DLGAP2: variants seen among roughly 807,000 people sequenced by gnomAD.
DLGAP2 encodes the protein DLG associated protein 2.
Under a neutral mutation model 100.3 loss-of-function variants are expected in DLGAP2, and 26 were observed. The ratio of observed to expected loss-of-function variants is 0.26; its 90% CI spans 0.19 to 0.36. DLGAP2 has a LOEUF of 0.36. Ranked by LOEUF, DLGAP2 falls within the 10% of genes least tolerant of loss-of-function variation. The probability of loss-of-function intolerance (pLI) is 1.00; values close to 1 mark genes in which losing one functional copy is unlikely to be tolerated. For missense variants in DLGAP2, 1,858 were observed against 1,453.2 expected (o/e 1.28, Z -4.53); for synonymous variants, 886 against 630.1 (o/e 1.41, Z -6.08).
At position 1,637,412 on chromosome 8, in the gene DLGAP2, G is replaced by A. The variant is rs1277946706; in HGVS notation, c.1810+4366G>A. ...GGCTTTACAAATAGGCTCAGAAACTGTTGCGCGGGGCTCTCAGATGCATAG... is the reference window on the plus strand; with the variant it reads ...GGCTTTACAAATAGGCTCAGAAACTATTGCGCGGGGCTCTCAGATGCATAG... On this transcript the variant is annotated intron_variant, in intron 8 of 14. Coordinates refer to ENST00000637795, the MANE Select transcript of DLGAP2 (RefSeq NM_001346810.2). Among the ~76,000 whole-genome samples the A allele has an allele frequency of 2.0e-5, 3 of 151,930 alleles. No homozygotes were observed. The East Asian group carries it at 5.9e-4, about 30-fold the overall frequency.
chr8:760,377 A>G (rs1821050409), intron 1 of DLGAP2, among the ~76,000 whole-genome samples: 1 of 151,868 alleles, frequency 6.6e-6, no homozygotes, highest in African/African-American at 2.4e-5. Flanking sequence ...GGTTAGACCG[A>G]TTGTTTCTGA....
chr8:1,076,727 A>C (rs538709703), intron 2 of DLGAP2, among the ~76,000 whole-genome samples: 1 of 152,280 alleles, frequency 6.6e-6, no homozygotes, highest in East Asian at 1.9e-4. Context: ...CTGGGCTGCC[A>C]TAACACAGGG....
chr8:993,933 A>T (rs568864006), intron 2 of DLGAP2, among the ~76,000 whole-genome samples: 18 of 151,732 alleles, frequency 1.2e-4, no homozygotes, highest in African/African-American at 4.1e-4. Flanking sequence ...CCCGGCTGGT[A>T]ATTTTCCCTT....
chr8:1,389,067 G>C (rs149682921), intron 3 of DLGAP2, among the ~76,000 whole-genome samples: 2,274 of 151,546 alleles, frequency 0.015, 40 homozygotes, highest in African/African-American at 0.052. Flanking sequence ...AGCAGAGGCC[G>C]TGGATGAGGA....
At chr8:747,100 C>T (rs1410428049) in intron 1 of DLGAP2, among the ~76,000 whole-genome samples, 1 of 151,924 alleles carries the variant, frequency 6.6e-6, no homozygotes, top group African/African-American at 2.4e-5. Context: ...TCTCGGGGGG[C>T]TGGGGAGAGC....
chr8:1,257,903 G>C (rs1038929169), intron 2 of DLGAP2, among the ~76,000 whole-genome samples: 1 of 152,248 alleles, frequency 6.6e-6, no homozygotes, highest in African/African-American at 2.4e-5. Context: ...CTGCCCTCAT[G>C]TTCTCAGGAA....
chr8:1,141,803 T>G (rs1291921159), intron 2 of DLGAP2, among the ~76,000 whole-genome samples: 1 of 152,204 alleles, frequency 6.6e-6, no homozygotes, highest in Non-Finnish European at 1.5e-5. Context: ...GACTCAAGGC[T>G]GAATACTAAT....
At position 1,549,485 on chromosome 8, in the gene DLGAP2, G is replaced by A. The variant is rs1320735829; in HGVS notation, c.1032G>A (p.Lys344=). The change falls in exon 5 of 15, where the codon AAG becomes AAA. Residue 344 remains lysine (K), a synonymous_variant. Transcript: ENST00000637795. Reference sequence around the variant, plus strand: ...GGGACCTGTCCCTCAAGACCTCCAAGAGCAACAACGACGTCAAGTGCTCGG... The same window carrying A: ...GGGACCTGTCCCTCAAGACCTCCAAAAGCAACAACGACGTCAAGTGCTCGG... ...PFGDLSLKTS[K]SNNDVKCSAC... 1 of 1,613,444 alleles carries A rather than the reference G, an allele frequency of 6.2e-7. No homozygotes were observed. Among genetic ancestry groups the A allele is most frequent in the Non-Finnish European group, 8.5e-7 (1 of 1,179,850 alleles).
chr8:915,998 C>G (rs1034379443), intron 2 of DLGAP2, among the ~76,000 whole-genome samples: 9 of 151,348 alleles, frequency 5.9e-5, no homozygotes, highest in Non-Finnish European at 5.9e-5. Flanking sequence ...GGCGTGGTTT[C>G]TGTGTGTGTT....
chr8:1,287,655 T>C (rs1799969090), intron 3 of DLGAP2, among the ~76,000 whole-genome samples: 1 of 133,456 alleles, frequency 7.5e-6, no homozygotes, highest in African/African-American at 3.0e-5. Context: ...TGTGTGTGTG[T>C]GTGTATGGTT....
intron 3 of DLGAP2, among the ~76,000 whole-genome samples, chr8:1,444,258 A>G (rs1263387444): frequency 1.3e-5 from 2 of 152,134 alleles, no homozygotes; most frequent in Non-Finnish European, 2.9e-5. Flanking sequence ...TCTCAATATC[A>G]TCGTCTTCAA....
At chr8:957,879 A>T (rs1156745638) in intron 2 of DLGAP2, among the ~76,000 whole-genome samples, 3 of 118,184 alleles carry the variant, frequency 2.5e-5, no homozygotes, top group African/African-American at 8.1e-5. Flanking sequence ...TTATTGTGGG[A>T]AAAATATATT....
intron 2 of DLGAP2, among the ~76,000 whole-genome samples, chr8:1,010,802 C>T (rs1037817726): frequency 6.6e-6 from 1 of 152,206 alleles, no homozygotes; most frequent in Non-Finnish European, 1.5e-5. Context: ...TTTAAAAACA[C>T]CTCAGAGATC....
At chr8:1,017,903 G>C (rs1189143729) in intron 2 of DLGAP2, among the ~76,000 whole-genome samples, 1 of 152,246 alleles carries the variant, frequency 6.6e-6, no homozygotes, top group Non-Finnish European at 1.5e-5. Context: ...TGCAGAGAAA[G>C]TTTGATTGGA....
At chr8:1,258,740 C>G (rs1799281080) in intron 2 of DLGAP2, 111 bp from the exon 3 acceptor site, 1 of 954,988 alleles carries the variant, frequency 1.0e-6, no homozygotes, top group East Asian at 3.3e-5. Flanking sequence ...CTGGTGTGGT[C>G]AAGCGGCGTC....
At chr8:1,049,387 A>C (rs921396871) in intron 2 of DLGAP2, among the ~76,000 whole-genome samples, 1 of 152,274 alleles carries the variant, frequency 6.6e-6, no homozygotes, top group East Asian at 1.9e-4. Context: ...TTCCCCAACC[A>C]GTGCCACCTG....
At chr8:1,049,842 ATG>A (rs1381755219) in intron 2 of DLGAP2, among the ~76,000 whole-genome samples, 1 of 151,250 alleles carries the variant, frequency 6.6e-6, no homozygotes, top group East Asian at 1.9e-4. Flanking sequence ...AGGCAGTCAC[ATG>A]TGTGGATATG....
intron 1 of DLGAP2, among the ~76,000 whole-genome samples, chr8:811,420 G>A (rs533519468): frequency 5.1e-4 from 77 of 149,704 alleles, no homozygotes; most frequent in Non-Finnish European, 1.0e-3. Flanking sequence ...CGTGGTGAGA[G>A]GCCACCAGCT....
intron 6 of DLGAP2, among the ~76,000 whole-genome samples, chr8:1,616,330 T>C (rs1797152601): frequency 6.6e-6 from 1 of 151,806 alleles, no homozygotes; most frequent in Admixed American, 6.6e-5. Context: ...TGGCAGAAGG[T>C]TTTGAAGAAA....
Sources: allele counts gnomAD v4.1 joint callset (sites outside exome capture counted in the v4.1 genomes callset), GRCh38; gene constraint gnomAD v4.1.1; transcripts MANE v1.5; gene names NCBI Gene and HGNC (gene_info 2026-07-23, HGNC 2026-07-21).